PKD1L1: variants seen among roughly 807,000 people sequenced by gnomAD.
PKD1L1 encodes the protein polycystin 1 like 1, transient receptor potential channel interacting.
In PKD1L1, 236 loss-of-function variants were observed where a neutral mutation model predicts 323.4. The ratio of observed to expected loss-of-function variants is 0.73; its 90% CI spans 0.66 to 0.81. The LOEUF is 0.81. Among genes scored for constraint, PKD1L1 ranks in the 40% least tolerant of loss-of-function variants. PKD1L1 has a pLI of 0.00. For synonymous variants in PKD1L1, 1,344 were observed against 1,335.0 expected (o/e 1.01, Z -0.15); for missense variants, 3,320 against 3,508.0 (o/e 0.95, Z 1.35).
At chr7:47,935,114 G>A (rs550903876) in intron 4 of PKD1L1, among the ~76,000 whole-genome samples, 1 of 152,332 alleles carries the variant, frequency 6.6e-6, no homozygotes, top group African/African-American at 2.4e-5. Context: ...AGGGAGTGCT[G>A]ATTCCACTTG....
intron 1 of PKD1L1, 134 bp downstream of exon 1, chr7:47,948,263 C>T: frequency 9.8e-7 from 1 of 1,019,552 alleles, no homozygotes. Flanking sequence ...GCCAAATGCA[C>T]CCTCCTGGTA....
Position 47,819,478 on chromosome 7 carries a change from C to T in PKD1L1, c.6965+1598G>A, listed in dbSNP as rs370204495. The stretch of plus-strand genomic sequence containing the variant: ...TTTAGATTTCCATTTCCATTGAGGA[C>T]CCAAATTATCACTTTGTTTTGCACA... On this transcript the variant is annotated intron_variant, in intron 46 of 56. Transcript: ENST00000289672. 29 of 1,232,328 alleles carry T rather than the reference C, an allele frequency of 2.4e-5. No individual in the cohort carries two copies. The African/African-American group carries it at 3.9e-4, about 17-fold the overall frequency. 76.3% of individuals were successfully genotyped at this position (1,232,328 alleles called of 1,614,324 possible). A position where few individuals can be genotyped will look rare whatever the true frequency, so the allele number is the denominator to read the frequency against.
chr7:47,836,503 G>T (rs552381164), intron 37 of PKD1L1, among the ~76,000 whole-genome samples: 1 of 152,326 alleles, frequency 6.6e-6, no homozygotes, highest in Non-Finnish European at 1.5e-5. Flanking sequence ...GACCAGAGTT[G>T]CCAGTGCAAA....
intron 13 of PKD1L1, among the ~76,000 whole-genome samples, chr7:47,899,401 A>G (rs572388923): frequency 7.6e-5 from 11 of 144,392 alleles, no homozygotes; most frequent in African/African-American, 2.2e-4. Context: ...TAATAAGCCA[A>G]TGAGGATGAG....
chr7:47,880,156 T>C (rs1786507138), intron 21 of PKD1L1, among the ~76,000 whole-genome samples: 2 of 124,588 alleles, frequency 1.6e-5, no homozygotes, highest in African/African-American at 7.3e-5. Context: ...AACACCTTTC[T>C]AGGGTTTAAA....
intron 30 of PKD1L1, among the ~76,000 whole-genome samples, chr7:47,853,769 A>AC (rs1785835956): frequency 6.9e-6 from 1 of 145,070 alleles, no homozygotes; most frequent in South Asian, 2.1e-4. Flanking sequence ...AACAAACCAA[A>AC]AAAAAAAAAA....
chr7:47,830,254 G>A (rs1322333107), intron 42 of PKD1L1, 130 bp from the exon 43 acceptor site: 10 of 708,302 alleles, frequency 1.4e-5, no homozygotes, highest in East Asian at 2.7e-5. Flanking sequence ...AGCCTGCTGT[G>A]GGGGTGGTGC....
chr7:47,837,887 T>C (rs936371484), intron 36 of PKD1L1, among the ~76,000 whole-genome samples: 2 of 152,194 alleles, frequency 1.3e-5, no homozygotes, highest in African/African-American at 4.8e-5. Flanking sequence ...AAAATCGTAC[T>C]AACAGAATGA....
intron 9 of PKD1L1, among the ~76,000 whole-genome samples, chr7:47,906,782 T>C (rs997246287): frequency 6.6e-6 from 1 of 152,138 alleles, no homozygotes; most frequent in Non-Finnish European, 1.5e-5. Flanking sequence ...CATCAGAATT[T>C]TTGAAAAATA....
Position 47,915,555 on chromosome 7 carries a change from A to T in PKD1L1, c.1105T>A (p.Tyr369Asn). The T allele has an allele frequency of 6.4e-7, 1 of 1,562,976 alleles. No individual in the cohort carries two copies. Among genetic ancestry groups the T allele is most frequent in the Non-Finnish European group, 8.8e-7 (1 of 1,134,306 alleles). ...GTATTTTGTGTCTCTGCTTCTTTGTAGGTGGACATATCCAACTGAAAATGT... is the reference window on the plus strand; with the variant it reads ...GTATTTTGTGTCTCTGCTTCTTTGTTGGTGGACATATCCAACTGAAAATGT... ...LLHFQLDMST[Y>N]KEAETQNTTL... is the part of the protein sequence containing the mutation. Residue 369 changes from tyrosine to asparagine, a missense_variant, in exon 8 of 57, where the codon TAC (tyrosine) becomes AAC (asparagine). Physicochemically the swap from Tyr to Asn is moderately radical, Grantham distance 143 (BLOSUM62 -2). Coordinates refer to ENST00000289672, the MANE Select transcript of PKD1L1 (RefSeq NM_138295.5).
intron 56 of PKD1L1, among the ~76,000 whole-genome samples, chr7:47,784,932 C>T (rs535858068): frequency 1.3e-5 from 2 of 152,262 alleles, no homozygotes; most frequent in South Asian, 2.1e-4. Context: ...TATCCATATA[C>T]ATCACCCACC....
chr7:47,825,375 C>T (rs1436640155), intron 45 of PKD1L1, among the ~76,000 whole-genome samples: 2 of 151,692 alleles, frequency 1.3e-5, no homozygotes, highest in Non-Finnish European at 2.9e-5. Flanking sequence ...ACTAAAAATA[C>T]AAAAAATTAG....
chr7:47,830,600 A>G (rs1785327341), intron 42 of PKD1L1, among the ~76,000 whole-genome samples: 1 of 152,186 alleles, frequency 6.6e-6, no homozygotes. Context: ...GGCACAAGAG[A>G]GGTCTAAGTA....
At chr7:47,898,662 A>G (rs1787013277) in intron 13 of PKD1L1, among the ~76,000 whole-genome samples, 1 of 152,102 alleles carries the variant, frequency 6.6e-6, no homozygotes, top group Non-Finnish European at 1.5e-5. Flanking sequence ...TTCTTCACTG[A>G]AATATTCTTA....
rs1158474112 is a variant in PKD1L1 at position 47,792,775 on chromosome 7, G to A, written c.8378C>T (p.Ala2793Val). ...ENHNYYLDEF[A>V]NLLDELLMKI... ...CATCAGAAGTTCGTCTAACAGATTT[G>A]CAAATTCATCCAAGTAGTAATTCTG... The change falls in exon 56 of 57, where the codon GCA becomes GTA. Residue 2793 changes from alanine (A) to valine (V), a missense_variant. Transcript: ENST00000289672. 2.5e-5 allele frequency: 40 copies of A among 1,613,364 alleles called. No homozygotes were observed. Among genetic ancestry groups the A allele is most frequent in the Non-Finnish European group, 3.1e-5 (37 of 1,179,688 alleles).
chr7:47,842,778 C>T (rs1221215686), intron 34 of PKD1L1, among the ~76,000 whole-genome samples, 184 bp downstream of exon 34: 1 of 152,156 alleles, frequency 6.6e-6, no homozygotes, highest in Non-Finnish European at 1.5e-5. Context: ...GGGGTCTGCT[C>T]TTCACCCTGA....
chr7:47,831,867 T>G (rs1362373812), intron 41 of PKD1L1, among the ~76,000 whole-genome samples: 1 of 152,218 alleles, frequency 6.6e-6, no homozygotes, highest in Non-Finnish European at 1.5e-5. Flanking sequence ...GGGTCTGCCC[T>G]GATTTGGATC....
At chr7:47,958,279 C>A in the PKD1L1 span, among the ~76,000 whole-genome samples, 1 of 152,104 alleles carries the variant, frequency 6.6e-6, no homozygotes, top group Non-Finnish European at 1.5e-5. Flanking sequence ...AGGAATAAAT[C>A]CACACATTTA....
At chr7:47,834,018 A>G (rs1785403769) in intron 40 of PKD1L1, among the ~76,000 whole-genome samples, 4 of 152,160 alleles carry the variant, frequency 2.6e-5, no homozygotes, top group African/African-American at 9.7e-5. Flanking sequence ...GCCGGTATTT[A>G]CTGAGTAGAC....
Sources: allele counts gnomAD v4.1 joint callset (sites outside exome capture counted in the v4.1 genomes callset), GRCh38; gene constraint gnomAD v4.1.1; transcripts MANE v1.5; gene names NCBI Gene and HGNC (gene_info 2026-07-23, HGNC 2026-07-21).